The following KCNAB1 variants were observed in gnomAD, a reference collection of about 807,000 sequenced individuals.
KCNAB1 encodes the protein voltage-gated potassium channel subunit beta-1.
Under a neutral mutation model 64.6 loss-of-function variants are expected in KCNAB1, and 35 were observed. The observed-to-expected ratio is 0.54, with a 90% CI of 0.41 to 0.72. The LOEUF is 0.72. KCNAB1 is among the 30% of genes least tolerant of loss of function. The pLI is 0.00. For missense variants in KCNAB1, 401 were observed against 512.9 expected (o/e 0.78, Z 2.11); for synonymous variants, 177 against 183.8 (o/e 0.96, Z 0.30).
At chr3:156,280,498 TG>T (rs1719644056) in intron 1 of KCNAB1, among the ~76,000 whole-genome samples, 1 of 147,750 alleles carries the variant, frequency 6.8e-6, no homozygotes, top group Non-Finnish European at 1.5e-5. Flanking sequence ...TTTCCAATTC[TG>T]TGAAGAAAGT....
chr3:156,514,526 A>T lies in KCNAB1; in HGVS notation c.744+77A>T, dbSNP rs72558055. The T allele has an allele frequency of 3.8e-3, 4,191 of 1,106,622 alleles. 118 individuals carry two copies. The African/African-American group carries it at 0.057, about 15-fold the overall frequency. 68.6% of individuals were successfully genotyped at this position (1,106,622 alleles called of 1,614,324 possible). On this transcript the variant is annotated intron_variant, in intron 9 of 13. Coordinates refer to ENST00000490337, the MANE Select transcript of KCNAB1 (RefSeq NM_172160.3). The stretch of plus-strand genomic sequence containing the variant: ...TCAGATGCCATGCATAAATTGCAAG[A>T]TCTTTTGCAAACTTTTCTCACAATC...
At chr3:156,208,038 G>A (rs1461605750) in intron 1 of KCNAB1, among the ~76,000 whole-genome samples, 2 of 152,112 alleles carry the variant, frequency 1.3e-5, no homozygotes, top group African/African-American at 4.8e-5. Flanking sequence ...AGAAACTTTG[G>A]TTTAGAGGTT....
intron 2 of KCNAB1, among the ~76,000 whole-genome samples, chr3:156,450,872 C>CA (rs199664734): frequency 2.1e-5 from 3 of 140,710 alleles, no homozygotes; most frequent in Admixed American, 1.4e-4. Context: ...CACCCCCCCC[C>CA]AAAAAAAAGT....
intron 1 of KCNAB1, among the ~76,000 whole-genome samples, chr3:156,389,417 A>G (rs183733345): frequency 2.6e-5 from 4 of 152,286 alleles, no homozygotes; most frequent in Non-Finnish European, 5.9e-5. Context: ...GCAAGTCTGA[A>G]TCTCCCAACT....
chr3:156,476,050 A>T (rs914782184), intron 8 of KCNAB1, among the ~76,000 whole-genome samples: 5 of 152,206 alleles, frequency 3.3e-5, no homozygotes, highest in African/African-American at 7.2e-5. Context: ...GTCAAAGCAA[A>T]GATTAGGTGT....
At chr3:156,187,922 C>G (rs540301706) in intron 1 of KCNAB1, among the ~76,000 whole-genome samples, 15 of 152,328 alleles carry the variant, frequency 9.8e-5, no homozygotes, top group Non-Finnish European at 7.3e-5. Flanking sequence ...CAATTTCACT[C>G]CTTTGTACTT....
intron 4 of KCNAB1, among the ~76,000 whole-genome samples, chr3:156,459,189 C>T (rs956286321): frequency 1.3e-5 from 2 of 152,156 alleles, no homozygotes; most frequent in East Asian, 3.9e-4. Context: ...AATCTTGGGT[C>T]CCAGCCTGGG....
At chr3:156,530,752 A>C (rs1718646807) in intron 12 of KCNAB1, among the ~76,000 whole-genome samples, 1 of 152,216 alleles carries the variant, frequency 6.6e-6, no homozygotes. Flanking sequence ...AGGGAGGTCC[A>C]GAGAGGGCTG....
chr3:156,145,899 A>G (rs1342692453), intron 1 of KCNAB1, among the ~76,000 whole-genome samples: 4 of 152,140 alleles, frequency 2.6e-5, no homozygotes, highest in Non-Finnish European at 5.9e-5. Context: ...GAATATTCTC[A>G]AAAGGAAAAA....
At chr3:156,343,622 CTT>C (rs1250128682) in intron 1 of KCNAB1, among the ~76,000 whole-genome samples, 4 of 152,172 alleles carry the variant, frequency 2.6e-5, no homozygotes, top group African/African-American at 9.7e-5. Context: ...GACCTTCCCT[CTT>C]TGTCTCCCCT....
chr3:156,474,569 T>A, intron 7 of KCNAB1, 165 bp from the exon 8 acceptor site: 1 of 482,602 alleles, frequency 2.1e-6, no homozygotes, highest in Non-Finnish European at 3.8e-6. Context: ...CTTTCATATA[T>A]TTTTAAAACG....
chr3:156,465,611 A>G, intron 6 of KCNAB1, 32 bp from the exon 7 acceptor site: 1 of 1,600,572 alleles, frequency 6.2e-7, no homozygotes, highest in Admixed American at 1.7e-5. Flanking sequence ...GCACACTCTC[A>G]TTCAAAGTTA....
intron 2 of KCNAB1, among the ~76,000 whole-genome samples, chr3:156,423,008 A>G (rs577388104): frequency 6.6e-6 from 1 of 152,342 alleles, no homozygotes; most frequent in East Asian, 1.9e-4. Flanking sequence ...AGAATTGACC[A>G]TCGGGTTCAG....
chr3:156,135,457 A>G (rs1008857859), intron 1 of KCNAB1, among the ~76,000 whole-genome samples: 2 of 152,206 alleles, frequency 1.3e-5, no homozygotes, highest in Non-Finnish European at 2.9e-5. Context: ...CAGTCCTTAC[A>G]ATAATGACTG....
intron 2 of KCNAB1, among the ~76,000 whole-genome samples, chr3:156,440,523 A>G (rs998464961): frequency 1.3e-5 from 2 of 152,204 alleles, no homozygotes; most frequent in African/African-American, 2.4e-5. Context: ...ACTAAGTGCA[A>G]TCTCCCAAGA....
At chr3:156,378,639 C>T (rs537225400) in intron 1 of KCNAB1, among the ~76,000 whole-genome samples, 10 of 152,250 alleles carry the variant, frequency 6.6e-5, no homozygotes, top group African/African-American at 2.4e-4. Context: ...CCCTGTTTTC[C>T]TTTCTATGTG....
In KCNAB1 at chr3:156,495,602, A is replaced by G. The variant is rs559963874; in HGVS notation, c.659-18762A>G. ...GTGAACAACAGCAGACTAGAGCCAG[A>G]CTGCCTGCTATCAAATCCCAGCTCC... On this transcript the variant is annotated intron_variant, in intron 8 of 13. Coordinates refer to ENST00000490337, the MANE Select transcript of KCNAB1 (RefSeq NM_172160.3). 2.2e-4 allele frequency among the ~76,000 whole-genome samples: 34 copies of G among 152,280 alleles called. No homozygotes were observed. The South Asian group carries it at 3.5e-3, about 16-fold the overall frequency.
At chr3:156,137,031 T>A (rs558652659) in intron 1 of KCNAB1, among the ~76,000 whole-genome samples, 15 of 152,264 alleles carry the variant, frequency 9.9e-5, no homozygotes, top group South Asian at 4.1e-4. Flanking sequence ...CTTTTTTTTT[T>A]AAACTTTTAT....
chr3:156,248,416 G>A (rs1292182862), intron 1 of KCNAB1, among the ~76,000 whole-genome samples: 1 of 151,176 alleles, frequency 6.6e-6, no homozygotes, highest in Non-Finnish European at 1.5e-5. Flanking sequence ...TTCTTTAACT[G>A]GCAATTTGAT....
Sources: gnomAD v4.1 joint callset for allele counts (sites outside exome capture counted in the v4.1 genomes callset) on GRCh38, gnomAD v4.1.1 for gene constraint, MANE v1.5 for transcripts, NCBI Gene and HGNC (gene_info 2026-07-23, HGNC 2026-07-21) for gene names.